Variants in PTH2R observed in about 807,000 individuals in gnomAD.
The protein encoded by PTH2R is parathyroid hormone 2 receptor.
A neutral mutation model predicts 60.3 loss-of-function variants in PTH2R; 59 were observed. That is an observed-to-expected ratio of 0.98 (90% CI 0.79 to 1.22). PTH2R has a LOEUF of 1.22. Ranked by LOEUF, PTH2R falls within the 50% of genes most tolerant of loss-of-function variation. The pLI, the probability that PTH2R is intolerant of heterozygous loss-of-function variation, is 0.00. For missense variants in PTH2R, 749 were observed against 682.6 expected, an observed-to-expected ratio of 1.10 and a Z score of -1.08; for synonymous variants, 256 against 243.8, an observed-to-expected ratio of 1.05 and a Z score of -0.47.
chr2:208,417,754 C>A lies in PTH2R; in HGVS notation c.76-10447C>A, dbSNP rs1204883874. ...CTATGGTCTAACAGGAGGAGAACAT[C>A]ATTAGAATAAGCTGGATAAAATAAG... On this transcript the variant is annotated intron_variant, in intron 1 of 12. Transcript: ENST00000272847. Among the ~76,000 whole-genome samples, 3 of 151,684 alleles carry A rather than the reference C, an allele frequency of 2.0e-5. No individual in the cohort carries two copies. The East Asian group carries it at 5.8e-4, about 29-fold the overall frequency.
chr2:208,365,164 T>G (rs1700553225), intron 1 of PTH2R, among the ~76,000 whole-genome samples: 1 of 152,150 alleles, frequency 6.6e-6, no homozygotes, highest in Non-Finnish European at 1.5e-5. Context: ...TTATTGCTTT[T>G]TCTTGTCTAA....
intron 1 of PTH2R, among the ~76,000 whole-genome samples, chr2:208,370,973 G>C (rs1479695831): frequency 1.3e-5 from 2 of 151,990 alleles, no homozygotes; most frequent in Non-Finnish European, 2.9e-5. Flanking sequence ...TGGTGATAGA[G>C]GGAGCAAGAG....
intron 9 of PTH2R, among the ~76,000 whole-genome samples, chr2:208,464,681 G>A (rs1362943678): frequency 2.0e-5 from 3 of 152,102 alleles, no homozygotes; most frequent in African/African-American, 7.2e-5. Context: ...CTAGGCTTGG[G>A]CAAGTTTTAA....
chr2:208,487,543 A>T (rs760672427), intron 10 of PTH2R, among the ~76,000 whole-genome samples: 5 of 152,218 alleles, frequency 3.3e-5, no homozygotes, highest in African/African-American at 1.2e-4. Flanking sequence ...CCCAGAAAAT[A>T]GTATGCTTGA....
chr2:208,465,136 C>A (rs916802061), intron 9 of PTH2R, among the ~76,000 whole-genome samples: 3 of 151,906 alleles, frequency 2.0e-5, no homozygotes, highest in Non-Finnish European at 4.4e-5. Flanking sequence ...CCACCATGCC[C>A]GGCTAATTTT....
chr2:208,381,252 T>C (rs1007218605), intron 1 of PTH2R, among the ~76,000 whole-genome samples: 1 of 152,152 alleles, frequency 6.6e-6, no homozygotes, highest in East Asian at 1.9e-4. Flanking sequence ...AGATGTATCA[T>C]ATCCAGTTAA....
intron 1 of PTH2R, among the ~76,000 whole-genome samples, chr2:208,373,391 GAGTT>G (rs775994488): frequency 1.3e-5 from 2 of 152,032 alleles, no homozygotes; most frequent in Non-Finnish European, 2.9e-5. Context: ...TGCATCCTTG[GAGTT>G]AGTTGTCTTG....
At chr2:208,493,047 A>C (rs568670422) in intron 12 of PTH2R, among the ~76,000 whole-genome samples, 1 of 152,010 alleles carries the variant, frequency 6.6e-6, no homozygotes, top group Admixed American at 6.6e-5. Flanking sequence ...AAGTCCCTTC[A>C]CCTCTCTCTA....
At chr2:208,426,961 T>C (rs1574862471) in intron 1 of PTH2R, among the ~76,000 whole-genome samples, 1 of 152,302 alleles carries the variant, frequency 6.6e-6, no homozygotes, top group African/African-American at 2.4e-5. Context: ...GAACAAAATA[T>C]CTTTAGAAGC....
In PTH2R at chr2:208,493,601, C is replaced by T. The variant is rs1703463474; in HGVS notation, c.1595C>T (p.Pro532Leu). 2 of 1,601,622 alleles carry T rather than the reference C, an allele frequency of 1.2e-6. No individual in the cohort carries two copies. The highest frequency in any genetic ancestry group is 1.3e-5 in the African/African-American group (1 of 74,858). Residue 532 changes from proline (P) to leucine (L), a missense_variant, in exon 13 of 13, where the codon CCT becomes CTT. Coordinates refer to ENST00000272847, the MANE Select transcript of PTH2R (RefSeq NM_005048.4). ...ATTCTAATGGAGAAGCCTTCCAGGC[C>T]TATGGAATCTAACCCAGACACTGAA... The part of the protein sequence containing the change: ...DDILMEKPSR[P>L]MESNPDTEGC...
chr2:208,364,832 G>A (rs1360449794), intron 1 of PTH2R, among the ~76,000 whole-genome samples: 1 of 151,582 alleles, frequency 6.6e-6, no homozygotes, highest in Non-Finnish European at 1.5e-5. Flanking sequence ...TCTCTTCTTT[G>A]ATTTCTTTCA....
chr2:208,428,759 G>A (rs1364137707), intron 2 of PTH2R, among the ~76,000 whole-genome samples: 3 of 152,214 alleles, frequency 2.0e-5, no homozygotes, highest in Non-Finnish European at 4.4e-5. Context: ...TATGATCAGA[G>A]AATGTGGTCT....
chr2:208,479,132 C>T (rs1209143031), intron 9 of PTH2R, among the ~76,000 whole-genome samples: 1 of 151,990 alleles, frequency 6.6e-6, no homozygotes, highest in Non-Finnish European at 1.5e-5. Context: ...ATTCTTAATT[C>T]TTTCCATAGT....
chr2:208,365,195 A>G (rs1429304033), intron 1 of PTH2R, among the ~76,000 whole-genome samples: 1 of 152,116 alleles, frequency 6.6e-6, no homozygotes, highest in East Asian at 1.9e-4. Flanking sequence ...CTGGAGTTCC[A>G]ATACTCTGTT....
At chr2:208,434,521 GA>G (rs1371637147) in intron 2 of PTH2R, among the ~76,000 whole-genome samples, 3 of 151,756 alleles carry the variant, frequency 2.0e-5, no homozygotes, top group Non-Finnish European at 2.9e-5. Context: ...AGAGCATGAG[GA>G]AAAAAAATTT....
upstream of PTH2R, among the ~76,000 whole-genome samples, chr2:208,404,886 C>G (rs907006306): frequency 6.6e-6 from 1 of 152,196 alleles, no homozygotes; most frequent in Non-Finnish European, 1.5e-5. Context: ...CAGTCAGGCA[C>G]TCAGAGAAAA....
At chr2:208,439,452 C>T (rs1702140606) in intron 4 of PTH2R, among the ~76,000 whole-genome samples, 1 of 151,838 alleles carries the variant, frequency 6.6e-6, no homozygotes, top group Non-Finnish European at 1.5e-5. Context: ...GAAGGTTTGA[C>T]ACACAGTAGG....
At chr2:208,368,000 C>G (rs910831183) in intron 1 of PTH2R, among the ~76,000 whole-genome samples, 3 of 124,310 alleles carry the variant, frequency 2.4e-5, no homozygotes, top group African/African-American at 8.3e-5. Context: ...TGCCTTGAAT[C>G]AATTTTATTC....
chr2:208,429,084 C>CA (rs55835317), intron 2 of PTH2R, among the ~76,000 whole-genome samples: 67 of 126,058 alleles, frequency 5.3e-4, no homozygotes, highest in African/African-American at 1.4e-3. Flanking sequence ...CTCTCTGTCT[C>CA]AAAAAAAAAA....
Sources: allele counts gnomAD v4.1 joint callset (sites outside exome capture counted in the v4.1 genomes callset), GRCh38; gene constraint gnomAD v4.1.1; transcripts MANE v1.5; gene names NCBI Gene and HGNC (gene_info 2026-07-23, HGNC 2026-07-21).